Variants in RASEF observed in about 807,000 individuals in gnomAD.
RASEF encodes ras and EF-hand domain-containing protein.
Under a neutral mutation model 90.1 loss-of-function variants are expected in RASEF, and 68 were observed. The ratio of observed to expected loss-of-function variants is 0.75; its 90% confidence interval spans 0.62 to 0.92. The LOEUF (loss-of-function observed/expected upper bound fraction) is 0.92, where lower values mean the gene tolerates loss of function less well. Ranked by LOEUF, RASEF falls within the 40% of genes least tolerant of loss-of-function variation. RASEF has a pLI of 0.00. For missense variants in RASEF, 949 were observed against 937.2 expected, an observed-to-expected ratio of 1.01 and a Z score of -0.16; for synonymous variants, 331 against 345.2, an observed-to-expected ratio of 0.96 and a Z score of 0.46.
At chr9:83,064,929 G>C (rs574453837), upstream of RASEF, among the ~76,000 whole-genome samples, 1 of 152,118 alleles carries the variant, frequency 6.6e-6, no homozygotes, top group Non-Finnish European at 1.5e-5. Flanking sequence ...TTAGCTGGGC[G>C]TGGTGGCGGG....
rs908053588 is a variant in RASEF at position 82,981,185 on chromosome 9, G to C, written c.*1492C>G. The C allele has an allele frequency of 6.6e-6, 1 of 152,196 alleles. No individual in the cohort carries two copies. Among genetic ancestry groups the C allele is most frequent in the African/African-American group, 2.4e-5 (1 of 41,460 alleles). 9.4% of individuals were successfully genotyped at this position (152,196 alleles called of 1,614,324 possible). The stretch of plus-strand genomic sequence containing the variant: ...GCAAGCTACTTGGGGCCTGGACCTA[G>C]ATGAAGCAAGGTAAATTAGAATCTT... On this transcript the variant is annotated 3_prime_UTR_variant, in exon 17 of 17. Coordinates refer to ENST00000376447, the MANE Select transcript of RASEF (RefSeq NM_152573.4).
At chr9:83,071,524 G>A in the RASEF span, among the ~76,000 whole-genome samples, 3 of 152,080 alleles carry the variant, frequency 2.0e-5, no homozygotes, top group African/African-American at 7.2e-5. Flanking sequence ...TCCCACCTCA[G>A]CCTCTTGAGT....
the RASEF span, among the ~76,000 whole-genome samples, chr9:83,099,437 T>C: frequency 6.6e-6 from 1 of 152,240 alleles, no homozygotes; most frequent in Admixed American, 6.5e-5. Context: ...CGTGTTACGC[T>C]AAGTTATTTT....
At chr9:83,007,542 G>C in intron 6 of RASEF, 37 bp from the exon 7 acceptor site, 1 of 1,496,114 alleles carries the variant, frequency 6.7e-7, no homozygotes, top group Non-Finnish European at 9.3e-7. Flanking sequence ...TGAGAATTAG[G>C]TGTCAAGTCC....
At chr9:83,144,391 G>GAAAGGAAGGAAAGAAA in the RASEF span, among the ~76,000 whole-genome samples, 2 of 33,242 alleles carry the variant, frequency 6.0e-5, no homozygotes, top group South Asian at 2.5e-3. Flanking sequence ...AAGAAAGAAA[G>GAAAGGAAGGAAAGAAA]GAAAGAAAGA....
chr9:83,054,768 G>A (rs1209855818), intron 1 of RASEF: 2 of 144,668 alleles, frequency 1.4e-5, no homozygotes, highest in Admixed American at 1.4e-4. Flanking sequence ...CTAACAGACA[G>A]GACCCTCAGC....
chr9:83,159,198 A>G, the RASEF span, among the ~76,000 whole-genome samples: 1 of 152,088 alleles, frequency 6.6e-6, no homozygotes, highest in Admixed American at 6.5e-5. Context: ...AAAAAAAAAA[A>G]AAAAAGAAAT....
intron 5 of RASEF, among the ~76,000 whole-genome samples, chr9:83,011,604 T>C (rs1277814232): frequency 8.7e-6 from 1 of 115,592 alleles, no homozygotes; most frequent in East Asian, 2.4e-4. Flanking sequence ...CCAAAATTAA[T>C]ATTTTCAAGG....
chr9:83,146,719 T>C, the RASEF span, among the ~76,000 whole-genome samples: 1 of 152,150 alleles, frequency 6.6e-6, no homozygotes, highest in Non-Finnish European at 1.5e-5. Context: ...AAACAGTCAT[T>C]GTATCTAAAA....
the RASEF span, among the ~76,000 whole-genome samples, chr9:83,180,219 G>A: frequency 6.6e-6 from 1 of 151,968 alleles, no homozygotes. Flanking sequence ...GTTTTTAAAA[G>A]GTCACATAAC....
the RASEF span, among the ~76,000 whole-genome samples, chr9:83,159,372 A>C: frequency 1.3e-5 from 2 of 152,156 alleles, no homozygotes; most frequent in African/African-American, 4.8e-5. Flanking sequence ...TTTGTTCAGC[A>C]TCATTTGAAA....
At chr9:83,094,848 C>T in the RASEF span, among the ~76,000 whole-genome samples, 1 of 152,200 alleles carries the variant, frequency 6.6e-6, no homozygotes, top group African/African-American at 2.4e-5. Flanking sequence ...ACATTACTTA[C>T]AGGAATGACA....
intron 3 of RASEF, among the ~76,000 whole-genome samples, chr9:83,016,270 G>A (rs1323488831): frequency 6.6e-6 from 1 of 152,072 alleles, no homozygotes; most frequent in East Asian, 1.9e-4. Context: ...ATGTCATCAG[G>A]ACTCAAGAAG....
At chr9:82,997,680 T>C (rs1201767656) in intron 13 of RASEF, among the ~76,000 whole-genome samples, 2 of 152,168 alleles carry the variant, frequency 1.3e-5, no homozygotes, top group Admixed American at 6.5e-5. Flanking sequence ...ATTTTATAAG[T>C]ATTTTAAATA....
the RASEF span, among the ~76,000 whole-genome samples, chr9:83,142,905 A>AGAC: frequency 6.5e-5 from 8 of 123,458 alleles, no homozygotes. Context: ...ATAAAACAGA[A>AGAC]CAAGATTATC....
intron 1 of RASEF, among the ~76,000 whole-genome samples, chr9:83,039,674 G>A (rs927658319): frequency 3.3e-5 from 5 of 152,088 alleles, no homozygotes; most frequent in African/African-American, 9.7e-5. Context: ...AACTTTACAC[G>A]CACCAGCATG....
chr9:83,199,593 A>T, the RASEF span, among the ~76,000 whole-genome samples: 98 of 152,320 alleles, frequency 6.4e-4, no homozygotes, highest in African/African-American at 2.2e-3. Context: ...TTCTTTCCAC[A>T]TCCAAATCAG....
the RASEF span, among the ~76,000 whole-genome samples, chr9:83,166,746 G>A: frequency 6.6e-6 from 1 of 152,100 alleles, no homozygotes; most frequent in African/African-American, 2.4e-5. Context: ...ACTTCTCCTG[G>A]CTGAGCTCTT....
chr9:83,014,082 C>G (rs1829299416), intron 4 of RASEF, among the ~76,000 whole-genome samples: 1 of 152,162 alleles, frequency 6.6e-6, no homozygotes, highest in Admixed American at 6.5e-5. Flanking sequence ...AGAAATAAGT[C>G]AGGGCAGTGA....
Sources: allele counts gnomAD v4.1 joint callset (sites outside exome capture counted in the v4.1 genomes callset), GRCh38; gene constraint gnomAD v4.1.1; transcripts MANE v1.5; gene names NCBI Gene and HGNC (gene_info 2026-07-23, HGNC 2026-07-21).